The following FREM2 variants were observed in gnomAD, a reference collection of about 807,000 sequenced individuals.
FREM2 encodes the protein FRAS1 related extracellular matrix 2.
In FREM2, 119 loss-of-function variants were observed where a neutral mutation model predicts 219.9. The ratio of observed to expected loss-of-function variants is 0.54; its 90% CI spans 0.47 to 0.63. The LOEUF (loss-of-function observed/expected upper bound fraction) is 0.63. Among genes scored for constraint, FREM2 ranks in the 30% least tolerant of loss-of-function variants. The pLI, the probability that FREM2 is intolerant of heterozygous loss-of-function variation, is 0.00. For missense variants in FREM2, 4,030 were observed against 3,993.6 expected (o/e 1.01, Z -0.25); for synonymous variants, 1,562 against 1,522.8 (o/e 1.03, Z -0.60).
At position 38,836,720 on chromosome 13, in the gene FREM2, GTTTA is replaced by G. The variant is rs569453102; in HGVS notation, c.6020-9847_6020-9844del. Among the ~76,000 whole-genome samples the G allele has an allele frequency of 5.7e-3, 870 of 152,266 alleles. 5 individuals are homozygous for G. Among genetic ancestry groups the G allele is most frequent in the African/African-American group, 0.02 (828 of 41,540 alleles). On this transcript the variant is annotated intron_variant, in intron 6 of 23. Coordinates refer to ENST00000280481, the MANE Select transcript of FREM2 (RefSeq NM_207361.6). The stretch of plus-strand genomic sequence containing the variant: ...TTATCAATTTCTCCTAGATTTTCTA[GTTTA>G]TTTATGTAGAGGTGTTTATAGTATT...
chr13:38,801,806 C>T (rs955050837), intron 6 of FREM2, among the ~76,000 whole-genome samples: 4 of 152,124 alleles, frequency 2.6e-5, no homozygotes, highest in African/African-American at 7.2e-5. Context: ...TGGCCCAGTT[C>T]GTTGGCTTTC....
In FREM2 at chr13:38,691,958, C is replaced by G. The variant is rs766428211; in HGVS notation, c.4614C>G (p.Ile1538Met). The G allele has an allele frequency of 6.8e-6, 11 of 1,614,228 alleles. No homozygotes were observed. The highest frequency in any genetic ancestry group is 7.6e-6 in the Non-Finnish European group (9 of 1,180,036). ...ACAATAAAAAGCCAGTGGTCACCATCCACAAGCTGGTTGTCAGTGAAAGTG... is the reference window on the plus strand; with the variant it reads ...ACAATAAAAAGCCAGTGGTCACCATGCACAAGCTGGTTGTCAGTGAAAGTG... ...DVDNKKPVVT[I>M]HKLVVSESEN... Residue 1538 changes from isoleucine (I) to methionine (M), a missense_variant, in exon 1 of 24, where the codon ATC (isoleucine) becomes ATG (methionine). Ile to Met is a conservative substitution (Grantham distance 10). Transcript: ENST00000280481.
rs976208204 is a variant in FREM2, at chr13:38,706,786, A to G, written c.5263+8999A>G. 5.3e-5 allele frequency among the ~76,000 whole-genome samples: 8 copies of G among 152,310 alleles called. No individual in the cohort carries two copies. The South Asian group carries it at 1.7e-3, about 32-fold the overall frequency. ...TACAATCACAAACTTCCTACCTGAT[A>G]AGTATTAAAGCCTTGTACCTTTCTA... is the stretch of plus-strand genomic sequence containing the variant. On this transcript the variant is annotated intron_variant, in intron 2 of 23. Transcript: ENST00000280481.
In FREM2 at chr13:38,688,695, G is replaced by A; in HGVS notation, c.1351G>A (p.Glu451Lys). The part of the protein sequence containing the change: ...VTRNTGLILY[E>K]GQSRPLTGPA... ...CCGGAATACCGGTCTTATTCTCTAT[G>A]AGGGTCAGTCTCGGCCCCTCACAGG... Residue 451 changes from glutamate to lysine, a missense_variant, in exon 1 of 24, where the codon GAG (glutamate) becomes AAG (lysine). Around this residue, in one of 2 missense-constraint regions of FREM2, gnomAD observed 3,102 missense variants for 2,950.7 expected, o/e 1.05. Transcript: ENST00000280481. The A allele has an allele frequency of 6.2e-7, 1 of 1,614,138 alleles. No individual in the cohort carries two copies. Among genetic ancestry groups the A allele is most frequent in the Non-Finnish European group, 8.5e-7 (1 of 1,180,006 alleles).
chr13:38,692,547 C>T (rs1400143706), intron 1 of FREM2, 30 bp downstream of exon 1: 8 of 1,601,164 alleles, frequency 5.0e-6, no homozygotes, highest in African/African-American at 2.7e-5. Flanking sequence ...TCTTGGTTAT[C>T]CTTGTTTCCT....
chr13:38,787,769 A>T (rs928857562), intron 6 of FREM2, among the ~76,000 whole-genome samples: 5 of 149,622 alleles, frequency 3.3e-5, no homozygotes, highest in Non-Finnish European at 7.4e-5. Context: ...ATTTATTATT[A>T]TTTATTAATT....
At chr13:38,743,401 G>C (rs1255511973) in intron 2 of FREM2, among the ~76,000 whole-genome samples, 1 of 151,860 alleles carries the variant, frequency 6.6e-6, no homozygotes, top group African/African-American at 2.4e-5. Flanking sequence ...AATTTAGTTT[G>C]TCTCATTATT....
In FREM2 at chr13:38,793,088, A is replaced by G. The variant is rs112600712; in HGVS notation, c.6019+8280A>G. On this transcript the variant is annotated intron_variant, in intron 6 of 23. Coordinates refer to ENST00000280481, the MANE Select transcript of FREM2 (RefSeq NM_207361.6). ...GTTTAATAAATTTTTATTTTACAAT[A>G]AATATTTTTTGAGAATTTTATATCA... Among the ~76,000 whole-genome samples the G allele has an allele frequency of 2.6e-5, 4 of 152,340 alleles. 1 individual carries two copies. The highest frequency in any genetic ancestry group is 7.2e-5 in the African/African-American group (3 of 41,580).
Position 38,848,553 on chromosome 13 carries a change from G to A in FREM2, c.6262G>A (p.Gly2088Arg). 1 of 1,614,076 alleles carries A rather than the reference G, an allele frequency of 6.2e-7. No homozygotes were observed. Among genetic ancestry groups the A allele is most frequent in the Non-Finnish European group, 8.5e-7 (1 of 1,179,956 alleles). ...TCGTGTTGTCATTCTGGATGACCTTGGACAACCAGCGCTGGAGGGAATTGA... is the reference window on the plus strand; with the variant it reads ...TCGTGTTGTCATTCTGGATGACCTTAGACAACCAGCGCTGGAGGGAATTGA... Reference protein sequence around the residue: ...PVRVVILDDLGQPALEGIEKF... With the variant: ...PVRVVILDDLRQPALEGIEKF... Residue 2088 changes from glycine (G) to arginine (R), a missense_variant, in exon 8 of 24, where the codon GGA (glycine) becomes AGA (arginine). By Grantham distance (125) the Gly-to-Arg change is moderately radical (BLOSUM62 -2). Transcript: ENST00000280481.
At chr13:38,825,239 G>T (rs1876235345) in intron 6 of FREM2, among the ~76,000 whole-genome samples, 1 of 152,014 alleles carries the variant, frequency 6.6e-6, no homozygotes, top group Admixed American at 6.6e-5. Context: ...CAAGGGCTGT[G>T]TCTTTATCAT....
At chr13:38,816,558 T>G (rs533582445) in intron 6 of FREM2, among the ~76,000 whole-genome samples, 20 of 152,156 alleles carry the variant, frequency 1.3e-4, no homozygotes, top group Non-Finnish European at 2.6e-4. Context: ...AGAAATTAGA[T>G]TCACATGGTA....
chr13:38,837,790 G>T (rs367684194), intron 6 of FREM2, among the ~76,000 whole-genome samples: 9,345 of 130,398 alleles, frequency 0.072, 624 homozygotes, highest in Admixed American at 0.096. Flanking sequence ...GTTTTGTTTT[G>T]TTTTTGCTTT....
chr13:38,748,102 C>G (rs1362006134), intron 2 of FREM2, among the ~76,000 whole-genome samples: 1 of 152,054 alleles, frequency 6.6e-6, no homozygotes, highest in African/African-American at 2.4e-5. Flanking sequence ...CTTCTGAGAT[C>G]TGATCCCGCA....
At chr13:38,821,964 G>T (rs1010973460) in intron 6 of FREM2, 6 of 152,142 alleles carry the variant, frequency 3.9e-5, no homozygotes, top group Non-Finnish European at 7.3e-5. Context: ...GAATCATTGA[G>T]TGGGCAGCCA....
At chr13:38,800,959 T>A (rs1016099835) in intron 6 of FREM2, among the ~76,000 whole-genome samples, 6 of 152,314 alleles carry the variant, frequency 3.9e-5, no homozygotes, top group South Asian at 2.1e-4. Context: ...CCTTTCATTC[T>A]CTCTTTTCCT....
At chr13:38,874,636 G>C in intron 18 of FREM2, 50 bp downstream of exon 18, 1 of 1,435,186 alleles carries the variant, frequency 7.0e-7, no homozygotes, top group Middle Eastern at 1.8e-4. Flanking sequence ...AAAGGAGGTA[G>C]ATTTTCCATC....
chr13:38,857,321 A>G (rs9603454), intron 12 of FREM2, among the ~76,000 whole-genome samples: 1,739 of 152,262 alleles, frequency 0.011, 16 homozygotes, highest in Non-Finnish European at 0.017. Context: ...GCCCAGCAGC[A>G]GGTGTTCATA....
rs776710018 is a variant in FREM2 at position 38,691,496 on chromosome 13, T to C, written c.4152T>C (p.His1384=). 3.1e-6 allele frequency: 5 copies of C among 1,614,118 alleles called. No homozygotes were observed. The highest frequency in any genetic ancestry group is 1.1e-5 in the South Asian group (1 of 91,072). The change falls in exon 1 of 24, where the codon CAT becomes CAC. Residue 1384 remains histidine, a synonymous_variant. Transcript: ENST00000280481. The part of the protein sequence containing the change: ...EVDRNLIQYV[H]LGQEGIRDLI... ...ACAGAAACTTAATTCAGTATGTCCA[T>C]TTGGGGCAAGAGGGCATTCGGGACC... is the stretch of plus-strand genomic sequence containing the variant.
At chr13:38,741,114 T>C (rs1162772768) in intron 2 of FREM2, among the ~76,000 whole-genome samples, 4 of 152,182 alleles carry the variant, frequency 2.6e-5, no homozygotes, top group East Asian at 1.9e-4. Context: ...GCACAAAGAA[T>C]AAATATCTCA....
Sources: allele counts gnomAD v4.1 joint callset (sites outside exome capture counted in the v4.1 genomes callset), GRCh38; gene constraint gnomAD v4.1.1; regional missense constraint gnomAD v4.1.1; transcripts MANE v1.5; gene names NCBI Gene and HGNC (gene_info 2026-07-23, HGNC 2026-07-21).